The following NAALADL2 variants were observed in gnomAD, a reference collection of about 807,000 sequenced individuals.
NAALADL2 encodes N-acetylated alpha-linked acidic dipeptidase like 2, also known as inactive N-acetylated-alpha-linked acidic dipeptidase-like protein 2.
Under a neutral mutation model 87.2 loss-of-function variants are expected in NAALADL2, and 76 were observed. That is an observed-to-expected ratio of 0.87 (90% confidence interval 0.72 to 1.05). NAALADL2 has a LOEUF of 1.05. Among genes scored for constraint, NAALADL2 ranks in the 50% least tolerant of loss-of-function variants. NAALADL2 has a pLI of 0.00. For missense variants in NAALADL2, 1,089 were observed against 945.8 expected (o/e 1.15, Z -1.99); for synonymous variants, 354 against 331.0 (o/e 1.07, Z -0.75).
intron 3 of NAALADL2, among the ~76,000 whole-genome samples, chr3:174,828,461 C>A (rs16864897): frequency 0.23 from 34,937 of 152,006 alleles, 4,245 homozygotes; most frequent in Middle Eastern, 0.31. Context: ...TATTCTGATT[C>A]AGTTGCTGTA....
chr3:174,857,632 T>C (rs1334440177), upstream of NAALADL2, among the ~76,000 whole-genome samples: 3 of 152,156 alleles, frequency 2.0e-5, no homozygotes, highest in African/African-American at 7.2e-5. Context: ...TGGCAAACAT[T>C]CAATTTCAAG....
chr3:174,674,541 G>C (rs1390565735), intron 2 of NAALADL2, among the ~76,000 whole-genome samples: 1 of 151,544 alleles, frequency 6.6e-6, no homozygotes, highest in East Asian at 1.9e-4. Context: ...TATGTCGTCT[G>C]TAGTTTGAAA....
chr3:175,722,846 A>G (rs1422645698), intron 11 of NAALADL2, among the ~76,000 whole-genome samples: 5 of 152,272 alleles, frequency 3.3e-5, no homozygotes, highest in Middle Eastern at 3.4e-3. Context: ...TGCAAAAACC[A>G]TAGATGCACT....
At chr3:174,582,910 T>G (rs1716329535) in intron 2 of NAALADL2, among the ~76,000 whole-genome samples, 1 of 152,134 alleles carries the variant, frequency 6.6e-6, no homozygotes, top group South Asian at 2.1e-4. Flanking sequence ...TTGATACTTT[T>G]CAGAACATTT....
intron 10 of NAALADL2, among the ~76,000 whole-genome samples, chr3:175,603,900 A>AGGAAGATCACCT (rs1292421042): frequency 1.3e-5 from 2 of 152,080 alleles, no homozygotes; most frequent in Non-Finnish European, 2.9e-5. Context: ...AGGCTGAGGT[A>AGGAAGATCACCT]GGAAGATCAC....
chr3:174,513,207 G>A (rs1173405596), intron 1 of NAALADL2, among the ~76,000 whole-genome samples: 2 of 152,034 alleles, frequency 1.3e-5, no homozygotes, highest in African/African-American at 2.4e-5. Flanking sequence ...TGATCTACCT[G>A]CCTTGGCCTC....
chr3:174,477,604 T>A (rs989398041), intron 1 of NAALADL2, among the ~76,000 whole-genome samples: 1 of 152,164 alleles, frequency 6.6e-6, no homozygotes, highest in Non-Finnish European at 1.5e-5. Flanking sequence ...TTGTTTAATT[T>A]GTTTTTGAAA....
chr3:175,391,702 C>A (rs1237274513), intron 5 of NAALADL2, among the ~76,000 whole-genome samples: 1 of 152,070 alleles, frequency 6.6e-6, no homozygotes, highest in Non-Finnish European at 1.5e-5. Flanking sequence ...TATTATTAAG[C>A]TGCTGAGTTT....
intron 10 of NAALADL2, among the ~76,000 whole-genome samples, chr3:175,580,785 G>A (rs1719653336): frequency 6.6e-6 from 1 of 151,896 alleles, no homozygotes; most frequent in Admixed American, 6.6e-5. Context: ...ATGGTATTTA[G>A]ATATATGTCA....
intron 1 of NAALADL2, among the ~76,000 whole-genome samples, chr3:175,008,753 T>TTATAGGGTAGGTG (rs1560469320): frequency 6.6e-6 from 1 of 151,834 alleles, no homozygotes; most frequent in African/African-American, 2.4e-5. Flanking sequence ...TAGGGTAGGC[T>TTATAGGGTAGGTG]AGGGTTTGGA....
chr3:175,801,568 G>A (rs1162979563), intron 13 of NAALADL2, among the ~76,000 whole-genome samples: 4 of 151,902 alleles, frequency 2.6e-5, no homozygotes. Flanking sequence ...CTAAACTTTT[G>A]TAACTGGCAG....
intron 2 of NAALADL2, among the ~76,000 whole-genome samples, chr3:175,216,644 ATTTTTTTTCT>A (rs373568265): frequency 0.41 from 51,569 of 124,928 alleles, 12,968 homozygotes; most frequent in Non-Finnish European, 0.54. Flanking sequence ...TTGACAAGCA[ATTTTTTTTCT>A]TTTTTTTTCT....
At chr3:174,564,189 C>T (rs1045949953) in intron 2 of NAALADL2, among the ~76,000 whole-genome samples, 8 of 152,236 alleles carry the variant, frequency 5.3e-5, no homozygotes, top group Non-Finnish European at 7.4e-5. Context: ...GGTACTTTTA[C>T]GTATTTAGCA....
intron 5 of NAALADL2, among the ~76,000 whole-genome samples, chr3:175,344,170 T>C (rs6806337): frequency 0.38 from 58,028 of 151,746 alleles, 11,993 homozygotes; most frequent in East Asian, 0.65. Context: ...TGTGTTGGCA[T>C]CCAGGTAGAG....
chr3:175,329,596 G>A (rs1761151688), intron 5 of NAALADL2, among the ~76,000 whole-genome samples: 1 of 152,118 alleles, frequency 6.6e-6, no homozygotes, highest in African/African-American at 2.4e-5. Context: ...CAAAATGTTA[G>A]ATATTCACAG....
intron 3 of NAALADL2, among the ~76,000 whole-genome samples, chr3:175,250,308 G>A (rs942520575): frequency 4.0e-5 from 6 of 151,254 alleles, no homozygotes; most frequent in Non-Finnish European, 7.4e-5. Flanking sequence ...GTCATGTGGG[G>A]ACATAGTGAG....
intron 2 of NAALADL2, among the ~76,000 whole-genome samples, chr3:175,169,498 A>G (rs1414899111): frequency 6.6e-6 from 1 of 151,318 alleles, no homozygotes; most frequent in Non-Finnish European, 1.5e-5. Flanking sequence ...ACAAATGATA[A>G]TGGTATTTTT....
At chr3:175,086,295 T>A (rs1044867455) in intron 1 of NAALADL2, among the ~76,000 whole-genome samples, 2 of 152,082 alleles carry the variant, frequency 1.3e-5, no homozygotes, top group Non-Finnish European at 2.9e-5. Flanking sequence ...TATTTTAAAA[T>A]GGATGCCTTA....
intron 1 of NAALADL2, among the ~76,000 whole-genome samples, chr3:174,509,910 A>G (rs969059350): frequency 6.6e-6 from 1 of 152,122 alleles, no homozygotes; most frequent in Non-Finnish European, 1.5e-5. Context: ...CATGTATAAG[A>G]TTGAGAAGTT....
Sources: allele counts gnomAD v4.1 joint callset (sites outside exome capture counted in the v4.1 genomes callset), GRCh38; gene constraint gnomAD v4.1.1; transcripts MANE v1.5; gene names NCBI Gene and HGNC (gene_info 2026-07-23, HGNC 2026-07-21).